HMGCL: variants seen among roughly 807,000 people sequenced by gnomAD.
The protein encoded by HMGCL is hydroxymethylglutaryl-CoA lyase, mitochondrial.
A neutral mutation model predicts 37.3 loss-of-function variants in HMGCL; 26 were observed. That is an observed-to-expected ratio of 0.70 (90% confidence interval 0.51 to 0.97). The LOEUF (loss-of-function observed/expected upper bound fraction) is 0.97, where lower values mean the gene tolerates loss of function less well. Ranked by LOEUF, HMGCL falls within the 50% of genes least tolerant of loss-of-function variation. The probability of loss-of-function intolerance (pLI) is 0.00; values close to 1 mark genes in which losing one functional copy is unlikely to be tolerated. For synonymous variants in HMGCL, 151 were observed against 148.0 expected, an observed-to-expected ratio of 1.02 and a Z score of -0.15; for missense variants, 379 against 398.1, an observed-to-expected ratio of 0.95 and a Z score of 0.41.
In HMGCL at chr1:23,814,230, T is replaced by C. The variant is rs1638573422; in HGVS notation, c.457A>G (p.Ile153Val). ...TTGGCTGACTGCGCTGCCTTCAGGATTGCGTCAAACCTCTGAAAACTCTCC... is the reference window on the plus strand; with the variant it reads ...TTGGCTGACTGCGCTGCCTTCAGGACTGCGTCAAACCTCTGAAAACTCTCC... The part of the protein sequence containing the change: ...IEESFQRFDA[I>V]LKAAQSANIS... Residue 153 changes from isoleucine to valine, a missense_variant, in exon 5 of 9, where the codon ATC (isoleucine) becomes GTC (valine). Ile to Val is a conservative substitution (Grantham distance 29). Coordinates refer to ENST00000374490, the MANE Select transcript of HMGCL (RefSeq NM_000191.3). The C allele has an allele frequency of 6.2e-7, 1 of 1,614,088 alleles. No homozygotes were observed. Among genetic ancestry groups the C allele is most frequent in the East Asian group, 2.2e-5 (1 of 44,888 alleles).
intron 1 of HMGCL, among the ~76,000 whole-genome samples, chr1:23,824,856 T>C (rs1226602459): frequency 6.6e-6 from 1 of 152,134 alleles, no homozygotes; most frequent in Non-Finnish European, 1.5e-5. Flanking sequence ...GGGGAAAACA[T>C]CAGGATCGAA....
chr1:23,822,914 G>A (rs949682958), intron 1 of HMGCL, among the ~76,000 whole-genome samples: 7 of 152,136 alleles, frequency 4.6e-5, no homozygotes, highest in Non-Finnish European at 8.8e-5. Context: ...GGTGGCTCAC[G>A]CCTGTAATCC....
chr1:23,805,448 G>A (rs1025585112), intron 7 of HMGCL, among the ~76,000 whole-genome samples: 3 of 152,292 alleles, frequency 2.0e-5, no homozygotes, highest in South Asian at 2.1e-4. Context: ...GAACCCATTC[G>A]AAACAGGTTT....
At chr1:23,820,817 C>T (rs1638705276) in intron 1 of HMGCL, among the ~76,000 whole-genome samples, 1 of 152,164 alleles carries the variant, frequency 6.6e-6, no homozygotes, top group South Asian at 2.1e-4. Flanking sequence ...ACCGGTTCTC[C>T]CCTGAAGTCC....
chr1:23,817,591 G>GGA lies in HMGCL; in HGVS notation c.145-10_145-9dup. 6.4e-7 allele frequency: 1 copy of GGA among 1,566,814 alleles called. No individual in the cohort carries two copies. The highest frequency in any genetic ancestry group is 1.3e-5 in the African/African-American group (1 of 74,124). ...TGGAGTAGATACGATATTCTATAGT[G>GGA]GAGAGAGAAACACCAAGGCAGCAAA... On this transcript the variant is annotated splice_polypyrimidine_tract_variant and intron_variant, in intron 2 of 8. Transcript: ENST00000374490.
intron 2 of HMGCL, among the ~76,000 whole-genome samples, chr1:23,819,186 C>T (rs764283272): frequency 1.8e-4 from 28 of 151,890 alleles, no homozygotes; most frequent in African/African-American, 6.8e-4. Context: ...TCTGTGCAGC[C>T]CAATATGTCA....
chr1:23,819,067 A>G (rs1345338212), intron 2 of HMGCL, among the ~76,000 whole-genome samples: 1 of 151,636 alleles, frequency 6.6e-6, no homozygotes, highest in African/African-American at 2.4e-5. Flanking sequence ...TATTGAAAAA[A>G]TAATCAATAT....
At chr1:23,813,933 CA>C (rs1311910154) in intron 5 of HMGCL, 3 of 506,906 alleles carry the variant, frequency 5.9e-6, no homozygotes, top group African/African-American at 3.9e-5. Flanking sequence ...TCCTCTGCCT[CA>C]GTCTCCCAAG....
intron 7 of HMGCL, among the ~76,000 whole-genome samples, chr1:23,807,693 G>A (rs1161764926): frequency 2.6e-5 from 4 of 152,186 alleles, no homozygotes; most frequent in Non-Finnish European, 5.9e-5. Flanking sequence ...CTACACACCC[G>A]CACACTGAAA....
intron 3 of HMGCL, 105 bp downstream of exon 3, chr1:23,817,371 G>T: frequency 1.4e-6 from 1 of 729,378 alleles, no homozygotes; most frequent in East Asian, 2.5e-5. Context: ...ACCTCTCAAA[G>T]CCAGGGGCTT....
rs888086891 is a variant in HMGCL at position 23,802,215 on chromosome 1, G to A, written c.*248C>T. ...CCTCAGGCATTCAACTCCTGGGCCA[G>A]GGTCCGTAACAAAGGGAGACTTCAG... On this transcript the variant is annotated 3_prime_UTR_variant, in exon 9 of 9. Coordinates refer to ENST00000374490, the MANE Select transcript of HMGCL (RefSeq NM_000191.3). The A allele has an allele frequency of 6.7e-6, 4 of 598,530 alleles. No homozygotes were observed. The highest frequency in any genetic ancestry group is 1.2e-5 in the Non-Finnish European group (4 of 336,808). The allele number at this position is 598,530 out of a possible 1,614,324, so 37.1% of individuals were successfully genotyped here.
Position 23,808,127 on chromosome 1 carries a change from T to C in HMGCL, c.750+8A>G, listed in dbSNP as rs771868826. ...CCTTTGGGAGAATGGGCATATGCTT[T>C]TGATTACCTGCAGGGCCATCAAGGT... On this transcript the variant is annotated splice_region_variant and intron_variant, in intron 7 of 8. Transcript: ENST00000374490. 3 of 1,613,546 alleles carry C rather than the reference T, an allele frequency of 1.9e-6. No homozygotes were observed. Among genetic ancestry groups the C allele is most frequent in the Non-Finnish European group, 2.5e-6 (3 of 1,179,536 alleles).
chr1:23,824,012 C>T (rs1329830628), intron 1 of HMGCL, among the ~76,000 whole-genome samples: 1 of 152,156 alleles, frequency 6.6e-6, no homozygotes, highest in East Asian at 1.9e-4. Flanking sequence ...AACCTCTGGG[C>T]CACTGTTGCC....
At chr1:23,815,916 A>G (rs552657157) in intron 4 of HMGCL, among the ~76,000 whole-genome samples, 1 of 145,964 alleles carries the variant, frequency 6.9e-6, no homozygotes, top group East Asian at 2.0e-4. Flanking sequence ...CCTGGAAGTC[A>G]CTCTTGAGAA....
rs1201298834 is a variant in HMGCL, at chr1:23,808,258, G to A, written c.627C>T (p.Gly209=). The A allele has an allele frequency of 3.7e-6, 6 of 1,613,736 alleles. No individual in the cohort carries two copies. Among genetic ancestry groups the A allele is most frequent in the Non-Finnish European group, 5.1e-6 (6 of 1,179,792 alleles). Residue 209 remains glycine (G), a synonymous_variant, in exon 7 of 9, where the codon GGC becomes GGT. Coordinates refer to ENST00000374490, the MANE Select transcript of HMGCL (RefSeq NM_000191.3). ...GCATGTCTTTCATGATCCCTGGGGT[G>A]CCCACACCAATGGTGTCCCCCAGGG... ...EISLGDTIGV[G]TPGIMKDMLS...
At chr1:23,813,765 AG>A (rs1638564495) in intron 5 of HMGCL, 1 of 226,106 alleles carries the variant, frequency 4.4e-6, no homozygotes, top group South Asian at 6.6e-5. Context: ...ATAGAAGCCT[AG>A]GTAATTCTCC....
At chr1:23,820,444 T>G in intron 2 of HMGCL, 66 bp downstream of exon 2, 1 of 1,082,554 alleles carries the variant, frequency 9.2e-7, no homozygotes, top group Non-Finnish European at 1.4e-6. Context: ...CCATTGCACC[T>G]ATCACACGTA....
chr1:23,810,655 TG>T, intron 6 of HMGCL, 80 bp downstream of exon 6: 1 of 1,153,544 alleles, frequency 8.7e-7, no homozygotes, highest in African/African-American at 1.5e-5. Context: ...CCAGAAAGGG[TG>T]GGGAGAGGAA....
intron 7 of HMGCL, among the ~76,000 whole-genome samples, chr1:23,805,696 G>A (rs147974931): frequency 6.6e-6 from 1 of 152,152 alleles, no homozygotes; most frequent in Admixed American, 6.5e-5. Flanking sequence ...CCTGATCTCG[G>A]TTGGAGCCCT....
Sources: gnomAD v4.1 joint callset for allele counts (sites outside exome capture counted in the v4.1 genomes callset) on GRCh38, gnomAD v4.1.1 for gene constraint, MANE v1.5 for transcripts, NCBI Gene and HGNC (gene_info 2026-07-23, HGNC 2026-07-21) for gene names.